Variants in LEKR1 observed in about 807,000 individuals in gnomAD.
LEKR1 encodes the protein protein LEKR1.
Under a neutral mutation model 72.4 loss-of-function variants are expected in LEKR1, and 59 were observed. The observed-to-expected ratio is 0.82, with a 90% CI of 0.66 to 1.01. The LOEUF (loss-of-function observed/expected upper bound fraction) is 1.01. Among genes scored for constraint, LEKR1 ranks in the 50% least tolerant of loss-of-function variants. The pLI is 0.00. For missense variants in LEKR1, 728 were observed against 759.2 expected (o/e 0.96, Z 0.48); for synonymous variants, 257 against 263.2 (o/e 0.98, Z 0.23).
chr3:156,901,886 A>G (rs965128117), intron 3 of LEKR1, among the ~76,000 whole-genome samples: 1 of 152,030 alleles, frequency 6.6e-6, no homozygotes, highest in Admixed American at 6.6e-5. Context: ...GGGTTTCATT[A>G]TGTTGGCCAG....
intron 4 of LEKR1, among the ~76,000 whole-genome samples, chr3:156,922,415 G>GAA (rs757159527): frequency 7.3e-6 from 1 of 137,768 alleles, no homozygotes; most frequent in African/African-American, 2.7e-5. Flanking sequence ...AATGTGGGAT[G>GAA]AAAAAAAAAA....
chr3:156,829,511 A>G (rs962995133), intron 2 of LEKR1, 134 bp downstream of exon 2: 2 of 564,422 alleles, frequency 3.5e-6, no homozygotes, highest in African/African-American at 3.8e-5. Flanking sequence ...AGAGGGAATA[A>G]TTATTATCAT....
At chr3:156,937,039 C>T (rs1400267976) in intron 5 of LEKR1, among the ~76,000 whole-genome samples, 1 of 151,910 alleles carries the variant, frequency 6.6e-6, no homozygotes, top group African/African-American at 2.4e-5. Flanking sequence ...CTACTCAGGA[C>T]GCTGAGGTGG....
Position 156,924,486 on chromosome 3 carries a change from G to A in LEKR1, c.384-2943G>A, listed in dbSNP as rs1265314364. ...ATTTTTAATGAAATATAATTTATCT[G>A]TTTTATAGATTGTGCTTTTGCTGAT... On this transcript the variant is annotated intron_variant, in intron 4 of 12. Transcript: ENST00000356539. The A allele has an allele frequency of 1.0e-5, 7 of 683,022 alleles. No individual in the cohort carries two copies. In the South Asian group the frequency reaches 1.1e-4, roughly 11 times the overall value. 42.3% of individuals were successfully genotyped at this position (683,022 alleles called of 1,614,324 possible).
intron 10 of LEKR1, among the ~76,000 whole-genome samples, chr3:157,020,589 A>C (rs1377217294): frequency 7.9e-5 from 12 of 151,150 alleles, no homozygotes; most frequent in Admixed American, 2.0e-4. Context: ...TCATCCATGT[A>C]CCTACAAAGG....
intron 5 of LEKR1, among the ~76,000 whole-genome samples, chr3:156,937,360 A>G (rs1454200412): frequency 6.6e-6 from 1 of 152,244 alleles, no homozygotes; most frequent in Non-Finnish European, 1.5e-5. Flanking sequence ...AAATAGGCAA[A>G]AGATATCAGT....
At chr3:157,018,763 G>C (rs1733585304) in intron 10 of LEKR1, among the ~76,000 whole-genome samples, 1 of 152,114 alleles carries the variant, frequency 6.6e-6, no homozygotes, top group Non-Finnish European at 1.5e-5. Context: ...GAGACAGTGG[G>C]AGTAATACTT....
chr3:156,945,664 C>T (rs1341179912), intron 6 of LEKR1, among the ~76,000 whole-genome samples: 1 of 151,726 alleles, frequency 6.6e-6, no homozygotes, highest in African/African-American at 2.4e-5. Context: ...TATTCATCTG[C>T]ATATGGATAT....
At chr3:156,984,161 C>A (rs1026660011) in intron 7 of LEKR1, among the ~76,000 whole-genome samples, 1 of 152,126 alleles carries the variant, frequency 6.6e-6, no homozygotes, top group Non-Finnish European at 1.5e-5. Context: ...AATGCACATA[C>A]ACATGCATAT....
chr3:157,002,355 G>A (rs550967718), intron 9 of LEKR1, among the ~76,000 whole-genome samples: 1 of 152,012 alleles, frequency 6.6e-6, no homozygotes, highest in Admixed American at 6.5e-5. Context: ...TTCAACACAA[G>A]ATTGTTTTCT....
intron 3 of LEKR1, among the ~76,000 whole-genome samples, chr3:156,914,121 C>A (rs138041831): frequency 1.3e-5 from 2 of 152,178 alleles, no homozygotes; most frequent in East Asian, 3.9e-4. Context: ...CTCTAATTCC[C>A]AGTCCATAAT....
chr3:156,992,253 C>T (rs1731195620), intron 7 of LEKR1, among the ~76,000 whole-genome samples: 1 of 152,134 alleles, frequency 6.6e-6, no homozygotes, highest in African/African-American at 2.4e-5. Flanking sequence ...AGTTTTAGTT[C>T]CCCTGCAGGG....
At chr3:156,864,698 A>G (rs1399425386) in intron 3 of LEKR1, among the ~76,000 whole-genome samples, 6 of 152,102 alleles carry the variant, frequency 3.9e-5, no homozygotes, top group African/African-American at 1.2e-4. Context: ...TCCAAAAAGT[A>G]TGCTAGTTAT....
chr3:156,929,968 G>C (rs559746117), intron 5 of LEKR1, among the ~76,000 whole-genome samples: 1 of 152,068 alleles, frequency 6.6e-6, no homozygotes, highest in Non-Finnish European at 1.5e-5. Context: ...ATCAGCCCTC[G>C]AGTTATTCAA....
Position 156,924,121 on chromosome 3 carries a change from T to C in LEKR1, c.384-3308T>C, listed in dbSNP as rs993742443. On this transcript the variant is annotated intron_variant, in intron 4 of 12. Transcript: ENST00000356539. ...ATGAATGAGGATTCTAGTTTCTCCA[T>C]GTTTTTGTCAACACTCCCTATTGTC... Among the ~76,000 whole-genome samples, 4 of 152,324 alleles carry C rather than the reference T, an allele frequency of 2.6e-5. No homozygotes were observed. The East Asian group carries it at 7.7e-4, about 29-fold the overall frequency.
At chr3:157,013,126 C>A (rs1176803138) in intron 10 of LEKR1, among the ~76,000 whole-genome samples, 2 of 152,084 alleles carry the variant, frequency 1.3e-5, no homozygotes. Flanking sequence ...ATATTATAAA[C>A]TTCCCATCCT....
chr3:157,024,643 T>TAATTTAATTAA (rs1734064729), intron 10 of LEKR1, 117 bp from the exon 11 acceptor site: 1 of 819,720 alleles, frequency 1.2e-6, no homozygotes, highest in African/African-American at 1.8e-5. Flanking sequence ...ATTTTTAAAA[T>TAATTTAATTAA]AGTTTAATTA....
intron 2 of LEKR1, among the ~76,000 whole-genome samples, chr3:156,841,059 C>G (rs997079133): frequency 7.2e-5 from 11 of 152,188 alleles, no homozygotes; most frequent in African/African-American, 2.7e-4. Flanking sequence ...AAAAATAGCT[C>G]TAGAAGACAG....
At chr3:156,891,026 A>AT (rs11407482) in intron 3 of LEKR1, among the ~76,000 whole-genome samples, 22,683 of 137,468 alleles carry the variant, frequency 0.17, 2,177 homozygotes, top group African/African-American at 0.26. Flanking sequence ...TGGCCGGCTA[A>AT]TTTTTTTTTT....
Sources: allele counts gnomAD v4.1 joint callset (sites outside exome capture counted in the v4.1 genomes callset), GRCh38; gene constraint gnomAD v4.1.1; transcripts MANE v1.5; gene names NCBI Gene and HGNC (gene_info 2026-07-23, HGNC 2026-07-21).